Variants in AK4 observed in about 807,000 individuals in gnomAD.
AK4 encodes the protein adenylate kinase 4.
In AK4, 13 loss-of-function variants were observed where a neutral mutation model predicts 24.6. The ratio of observed to expected loss-of-function variants is 0.53; its 90% CI spans 0.34 to 0.84. The LOEUF is 0.84. Among genes scored for constraint, AK4 ranks in the 40% least tolerant of loss-of-function variants. AK4 has a pLI of 0.01. For missense variants in AK4, 192 were observed against 288.2 expected (o/e 0.67, Z 2.42); for synonymous variants, 88 against 107.0 (o/e 0.82, Z 1.10).
intron 2 of AK4, among the ~76,000 whole-genome samples, chr1:65,209,099 T>C (rs1447199178): frequency 2.0e-5 from 3 of 152,224 alleles, no homozygotes; most frequent in African/African-American, 7.2e-5. Flanking sequence ...CAATCTGGAT[T>C]GGCTGTTTGA....
At chr1:65,167,157 G>C (rs895914769) in intron 1 of AK4, among the ~76,000 whole-genome samples, 1 of 152,102 alleles carries the variant, frequency 6.6e-6, no homozygotes, top group East Asian at 1.9e-4. Context: ...AACAAATTAT[G>C]TCATTGTTAA....
At chr1:65,179,771 T>C (rs907702079) in intron 1 of AK4, among the ~76,000 whole-genome samples, 13 of 151,986 alleles carry the variant, frequency 8.6e-5, no homozygotes, top group Non-Finnish European at 1.5e-4. Flanking sequence ...GGAGGTCAAG[T>C]GTGCAGTGAG....
chr1:65,223,774 C>T (rs1028303022), intron 3 of AK4, among the ~76,000 whole-genome samples: 5 of 152,092 alleles, frequency 3.3e-5, no homozygotes, highest in African/African-American at 1.2e-4. Context: ...GCAGGTGGAT[C>T]ACCTCAGGTC....
chr1:65,198,313 T>C (rs1651549545), intron 2 of AK4, among the ~76,000 whole-genome samples: 2 of 152,234 alleles, frequency 1.3e-5, no homozygotes, highest in South Asian at 4.1e-4. Context: ...ATTGCACAAT[T>C]AAAATGTTTG....
intron 1 of AK4, among the ~76,000 whole-genome samples, chr1:65,176,559 G>A (rs1223747336): frequency 6.6e-6 from 1 of 152,134 alleles, no homozygotes; most frequent in Non-Finnish European, 1.5e-5. Flanking sequence ...AGTCTGTAAA[G>A]TCCCCTCCTC....
intron 2 of AK4, among the ~76,000 whole-genome samples, chr1:65,199,378 T>C (rs1249576379): frequency 6.6e-6 from 1 of 152,094 alleles, no homozygotes; most frequent in Non-Finnish European, 1.5e-5. Context: ...TGAAACCCCA[T>C]CTTTATTAAA....
intron 1 of AK4, among the ~76,000 whole-genome samples, chr1:65,149,998 T>A (rs1306870124): frequency 1.3e-5 from 2 of 152,182 alleles, no homozygotes; most frequent in Admixed American, 1.3e-4. Context: ...ATGGAGTCAG[T>A]GAAGGAAGAC....
intron 1 of AK4, among the ~76,000 whole-genome samples, chr1:65,188,745 T>C (rs918288418): frequency 3.3e-5 from 5 of 151,864 alleles, no homozygotes; most frequent in Admixed American, 6.6e-5. Flanking sequence ...CCCAAAGTGC[T>C]GGGATTACAG....
At chr1:65,172,094 TA>T (rs1557444545) in intron 1 of AK4, among the ~76,000 whole-genome samples, 13 of 111,332 alleles carry the variant, frequency 1.2e-4, no homozygotes, top group African/African-American at 3.2e-4. Flanking sequence ...TATATATATA[TA>T]TATATATATT....
intron 1 of AK4, among the ~76,000 whole-genome samples, chr1:65,162,463 G>A (rs1650198990): frequency 6.6e-6 from 1 of 152,102 alleles, no homozygotes; most frequent in Non-Finnish European, 1.5e-5. Context: ...TCCATGGAAG[G>A]TTTTCAGGTT....
intron 2 of AK4, among the ~76,000 whole-genome samples, chr1:65,200,180 C>A (rs1157667797): frequency 2.6e-5 from 4 of 152,076 alleles, no homozygotes; most frequent in Non-Finnish European, 5.9e-5. Flanking sequence ...ATGGTGCGAT[C>A]TTGGCTCACT....
At chr1:65,165,422 C>G (rs1404041331) in intron 1 of AK4, among the ~76,000 whole-genome samples, 2 of 152,106 alleles carry the variant, frequency 1.3e-5, no homozygotes, top group East Asian at 3.9e-4. Context: ...ACACACCACA[C>G]CTTTTGTCCC....
intron 2 of AK4, among the ~76,000 whole-genome samples, 175 bp from the exon 3 acceptor site, chr1:65,218,579 T>C (rs954155658): frequency 1.3e-5 from 2 of 152,234 alleles, no homozygotes; most frequent in Non-Finnish European, 2.9e-5. Flanking sequence ...GTTTGTGACA[T>C]GGATTTATTA....
At chr1:65,157,306 A>G (rs1279202234) in intron 1 of AK4, among the ~76,000 whole-genome samples, 3 of 152,198 alleles carry the variant, frequency 2.0e-5, no homozygotes, top group Non-Finnish European at 4.4e-5. Context: ...GGTTATTTAT[A>G]GTCATTCGAT....
chr1:65,209,035 T>G (rs1334675549), intron 2 of AK4, among the ~76,000 whole-genome samples: 1 of 152,104 alleles, frequency 6.6e-6, no homozygotes, highest in East Asian at 1.9e-4. Context: ...TCATAATTAG[T>G]GATATAACAA....
chr1:65,218,086 TG>T (rs1652185963), intron 2 of AK4, among the ~76,000 whole-genome samples: 1 of 152,218 alleles, frequency 6.6e-6, no homozygotes, highest in Non-Finnish European at 1.5e-5. Flanking sequence ...ACAGTATTTA[TG>T]ATAGTCACCA....
chr1:65,207,868 A>G (rs1235054634), intron 2 of AK4, among the ~76,000 whole-genome samples: 1 of 152,178 alleles, frequency 6.6e-6, no homozygotes, highest in Non-Finnish European at 1.5e-5. Flanking sequence ...TACAAGGGAC[A>G]TGATCTCATT....
chr1:65,148,356 C>A lies in AK4; in HGVS notation c.-52C>A, dbSNP rs1449414009. The A allele has an allele frequency of 3.3e-6, 5 of 1,508,868 alleles. No individual in the cohort carries two copies. In the African/African-American group the frequency reaches 4.3e-5, roughly 13 times the overall value. 93.5% of individuals were successfully genotyped at this position (1,508,868 alleles called of 1,614,324 possible). A position where few individuals can be genotyped will look rare whatever the true frequency, so the allele number is the denominator to read the frequency against. ...GAAACAAAGTTCCCGGGGCTTCCTCCGGGGCCGCGGTCGGGGCTGCGCGTT... is the reference window on the plus strand; with the variant it reads ...GAAACAAAGTTCCCGGGGCTTCCTCAGGGGCCGCGGTCGGGGCTGCGCGTT... On this transcript the variant is annotated 5_prime_UTR_variant, in exon 1 of 5. Transcript: ENST00000327299.
chr1:65,148,598 T>C, intron 1 of AK4, 46 bp downstream of exon 1: 4 of 1,553,154 alleles, frequency 2.6e-6, no homozygotes, highest in Non-Finnish European at 3.5e-6. Context: ...CGCGTTGGGC[T>C]GGGGTGAGGC....
Sources: gnomAD v4.1 joint callset for allele counts (sites outside exome capture counted in the v4.1 genomes callset) on GRCh38, gnomAD v4.1.1 for gene constraint, MANE v1.5 for transcripts, NCBI Gene and HGNC (gene_info 2026-07-23, HGNC 2026-07-21) for gene names.